Variants in SARDH observed in about 807,000 individuals in gnomAD.
SARDH encodes the protein sarcosine dehydrogenase.
Under a neutral mutation model 109.1 loss-of-function variants are expected in SARDH, and 95 were observed. The observed-to-expected ratio is 0.87, with a 90% confidence interval of 0.74 to 1.03. The LOEUF (loss-of-function observed/expected upper bound fraction) is 1.03. SARDH is among the 50% of genes least tolerant of loss of function. The pLI is 0.00. For missense variants in SARDH, 1,267 were observed against 1,287.8 expected (o/e 0.98, Z 0.25); for synonymous variants, 572 against 534.8 (o/e 1.07, Z -0.96).
chr9:133,670,349 G>A (rs1011086072), intron 19 of SARDH, among the ~76,000 whole-genome samples: 3 of 133,768 alleles, frequency 2.2e-5, no homozygotes, highest in Non-Finnish European at 3.2e-5. Flanking sequence ...AAAAAAAAAA[G>A]AGCAAACTCT....
At chr9:133,719,083 G>A in intron 6 of SARDH, 41 bp from the exon 7 acceptor site, 1 of 1,564,942 alleles carries the variant, frequency 6.4e-7, no homozygotes. Context: ...ATCCAGAACT[G>A]GGTGGGGACT....
intron 17 of SARDH, among the ~76,000 whole-genome samples, chr9:133,684,423 C>T (rs929745569): frequency 1.3e-5 from 2 of 152,230 alleles, no homozygotes; most frequent in Non-Finnish European, 2.9e-5. Context: ...ACACAGGAAG[C>T]CCTCGGCAAA....
At chr9:133,664,467 C>A (rs1353575717) in intron 20 of SARDH, among the ~76,000 whole-genome samples, 1 of 152,210 alleles carries the variant, frequency 6.6e-6, no homozygotes, top group African/African-American at 2.4e-5. Flanking sequence ...CCATCCCACA[C>A]CCTGGCTCGG....
intron 10 of SARDH, among the ~76,000 whole-genome samples, chr9:133,711,809 C>T (rs955186427): frequency 2.6e-5 from 4 of 152,306 alleles, no homozygotes; most frequent in Non-Finnish European, 5.9e-5. Flanking sequence ...CCCTCCAAGC[C>T]GTCCTGCCTC....
rs1232017884 is a variant in SARDH at position 133,689,582 on chromosome 9, CCTCT to C, written c.2069+794_2069+797del. Among the ~76,000 whole-genome samples the C allele has an allele frequency of 4.6e-5, 7 of 152,346 alleles. No homozygotes were observed. The South Asian group carries it at 1.4e-3, about 32-fold the overall frequency. ...GTGTGACCTTGGGCAAATGTCTCAA[CCTCT>C]CTGTTTCTCAGTTTCTGCATCAGTA... is the stretch of plus-strand genomic sequence containing the variant. On this transcript the variant is annotated intron_variant, in intron 16 of 20. Transcript: ENST00000439388.
At position 133,686,333 on chromosome 9, in the gene SARDH, C is replaced by T. The variant is rs1830884884; in HGVS notation, c.2070-1047G>A. On this transcript the variant is annotated intron_variant, in intron 16 of 20. Transcript: ENST00000439388. The surrounding 1 kb of genome is among the most constrained non-coding windows in gnomAD (Gnocchi z 4.0). ...CACCGTGCCCACCTCCAGGCCTAGC[C>T]CTCTTGTGCCCCTTCGCATTCTCAC... 6.6e-6 allele frequency among the ~76,000 whole-genome samples: 1 copy of T among 152,056 alleles called. No homozygotes were observed. Among genetic ancestry groups the T allele is most frequent in the African/African-American group, 2.4e-5 (1 of 41,388 alleles).
At chr9:133,738,088 G>T (rs548143271) in intron 1 of SARDH, among the ~76,000 whole-genome samples, 166 bp downstream of exon 1, 1 of 152,136 alleles carries the variant, frequency 6.6e-6, no homozygotes, top group African/African-American at 2.4e-5. Context: ...GGCAGGGGGC[G>T]GGGAGGCAGC....
intron 16 of SARDH, among the ~76,000 whole-genome samples, chr9:133,687,958 C>T (rs1007714152): frequency 6.6e-5 from 10 of 152,288 alleles, no homozygotes; most frequent in Admixed American, 2.6e-4. Context: ...CCCCCGCCAC[C>T]GCCTGGAGCA....
chr9:133,719,169 G>A, intron 6 of SARDH, 127 bp from the exon 7 acceptor site: 1 of 710,042 alleles, frequency 1.4e-6, no homozygotes, highest in Non-Finnish European at 2.4e-6. Flanking sequence ...CTCGTTGTAG[G>A]ACCCCGAGGA....
chr9:133,705,696 G>A (rs1460012029), intron 11 of SARDH, among the ~76,000 whole-genome samples: 1 of 150,302 alleles, frequency 6.7e-6, no homozygotes, highest in African/African-American at 2.5e-5. Context: ...ATCTGCCTTG[G>A]CCCTGAGAAC....
chr9:133,722,817 CCTGA>C (rs1013896114), intron 6 of SARDH, among the ~76,000 whole-genome samples: 7 of 151,938 alleles, frequency 4.6e-5, no homozygotes, highest in African/African-American at 1.7e-4. Context: ...TGGGACCATG[CCTGA>C]CTAATTTTTG....
intron 17 of SARDH, among the ~76,000 whole-genome samples, chr9:133,675,191 T>A (rs948110630): frequency 1.4e-4 from 21 of 149,838 alleles, no homozygotes; most frequent in African/African-American, 2.7e-4. Flanking sequence ...TAAAAATATT[T>A]AAAAAAAAAA....
rs1382557336 is a variant in SARDH at position 133,714,501 on chromosome 9, G to A, written c.1151-1377C>T. On this transcript the variant is annotated intron_variant, in intron 8 of 20. Transcript: ENST00000439388. Reference sequence around the variant, plus strand: ...GGGGCAGAAAGAGTGAGCTGAGGCCGGGTGCAGTGGCTCACGCCTGTAATC... The same window carrying A: ...GGGGCAGAAAGAGTGAGCTGAGGCCAGGTGCAGTGGCTCACGCCTGTAATC... Among the ~76,000 whole-genome samples, 11 of 152,222 alleles carry A rather than the reference G, an allele frequency of 7.2e-5. No individual in the cohort carries two copies. The East Asian group carries it at 9.6e-4, about 13-fold the overall frequency.
chr9:133,725,102 C>G (rs538937892), intron 6 of SARDH, among the ~76,000 whole-genome samples: 1 of 152,062 alleles, frequency 6.6e-6, no homozygotes, highest in Admixed American at 6.6e-5. Flanking sequence ...CGGACAAAAC[C>G]GTAAAAAGAA....
chr9:133,712,026 C>T lies in SARDH; in HGVS notation c.1328+593G>A, dbSNP rs1487510089. 2.0e-5 allele frequency among the ~76,000 whole-genome samples: 3 copies of T among 152,208 alleles called. No homozygotes were observed. The highest frequency in any genetic ancestry group is 2.9e-5 in the Non-Finnish European group (2 of 68,030). ...GGCTGCCGTCACCGGCTCTGGCCAC[C>T]AGCACCCCAGTCCATGCCTCGGCTG... On this transcript the variant is annotated intron_variant, in intron 10 of 20. Coordinates refer to ENST00000439388, the MANE Select transcript of SARDH (RefSeq NM_001134707.2). The surrounding 1 kb of genome is among the most constrained non-coding windows in gnomAD (Gnocchi z 4.1).
At chr9:133,691,248 C>A (rs1831087653) in intron 15 of SARDH, among the ~76,000 whole-genome samples, 1 of 151,758 alleles carries the variant, frequency 6.6e-6, no homozygotes, top group African/African-American at 2.4e-5. Context: ...CCTGAGTGGC[C>A]CCCCCAGTCT....
Position 133,666,783 on chromosome 9 carries a change from G to C in SARDH, c.2583C>G (p.Ile861Met), listed in dbSNP as rs372772543. ...TGTAACCGTAGGCGATGGTCTTGTC[G>C]ATGGCGAACCCAAAGTCAGCCCTCC... ...HVRRADFGFA[I>M]DKTIAYGYIH... The change falls in exon 20 of 21, where the codon ATC (isoleucine) becomes ATG (methionine). Residue 861 changes from isoleucine (I) to methionine (M), a missense_variant. Coordinates refer to ENST00000439388, the MANE Select transcript of SARDH (RefSeq NM_001134707.2). The surrounding 1 kb of genome is among the most constrained non-coding windows in gnomAD (Gnocchi z 5.2). 287 of 1,603,462 alleles carry C rather than the reference G, an allele frequency of 1.8e-4. No individual in the cohort carries two copies. Among genetic ancestry groups the C allele is most frequent in the Admixed American group, 3.1e-4 (18 of 58,454 alleles).
intron 18 of SARDH, 111 bp downstream of exon 18, chr9:133,671,424 C>A: frequency 7.5e-7 from 1 of 1,326,504 alleles, no homozygotes; most frequent in Non-Finnish European, 1.0e-6. Context: ...AGAAGGAAGC[C>A]GGGTGACAAC....
chr9:133,679,053 G>A (rs1490309488), intron 17 of SARDH, among the ~76,000 whole-genome samples: 1 of 152,166 alleles, frequency 6.6e-6, no homozygotes, highest in Non-Finnish European at 1.5e-5. Flanking sequence ...GCAAACCCGG[G>A]TGGGGGTCGA....
Sources: gnomAD v4.1 joint callset for allele counts (sites outside exome capture counted in the v4.1 genomes callset) on GRCh38, gnomAD v4.1.1 for gene constraint, Gnocchi (gnomAD v3.1) non-coding constraint, MANE v1.5 for transcripts, NCBI Gene and HGNC (gene_info 2026-07-23, HGNC 2026-07-21) for gene names.